PPAT: variants seen among roughly 807,000 people sequenced by gnomAD.
The protein encoded by PPAT is phosphoribosyl pyrophosphate amidotransferase.
A neutral mutation model predicts 60.2 loss-of-function variants in PPAT; 20 were observed. The observed-to-expected ratio is 0.33, with a 90% CI of 0.23 to 0.48. The LOEUF is 0.48. Among genes scored for constraint, PPAT ranks in the 20% least tolerant of loss-of-function variants. The pLI is 0.99. For synonymous variants in PPAT, 194 were observed against 215.1 expected, an observed-to-expected ratio of 0.90 and a Z score of 0.86; for missense variants, 349 against 629.6, an observed-to-expected ratio of 0.55 and a Z score of 4.77.
At chr4:56,429,946 T>C (rs907458452) in intron 1 of PPAT, among the ~76,000 whole-genome samples, 1 of 152,098 alleles carries the variant, frequency 6.6e-6, no homozygotes, top group African/African-American at 2.4e-5. Context: ...TTTATTACTG[T>C]AGAATAGTCC....
intron 1 of PPAT, among the ~76,000 whole-genome samples, chr4:56,409,748 C>G (rs1716361056): frequency 6.6e-6 from 1 of 152,128 alleles, no homozygotes; most frequent in Non-Finnish European, 1.5e-5. Flanking sequence ...GAATATATAT[C>G]AGGATAGAAA....
Position 56,396,889 on chromosome 4 carries a change from T to C in PPAT, c.1237-150A>G. 1 of 712,610 alleles carries C rather than the reference T, an allele frequency of 1.4e-6. No homozygotes were observed. The highest frequency in any genetic ancestry group is 3.1e-5 in the South Asian group (1 of 32,678). The allele number at this position is 712,610 out of a possible 1,614,324, so 44.1% of individuals were successfully genotyped here. A position where few individuals can be genotyped will look rare whatever the true frequency, so the allele number is the denominator to read the frequency against. On this transcript the variant is annotated intron_variant, in intron 9 of 10. Transcript: ENST00000264220. This position sits in a 1 kb window ranked among gnomAD's most constrained non-coding sequence, Gnocchi z 4.6. ...TCTACAAAGCTGCTTCTTGGTTTTT[T>C]TTTTCTTTCACCTAATCATGAGGAA...
chr4:56,434,630 G>C (rs1717798268), intron 1 of PPAT, among the ~76,000 whole-genome samples: 2 of 152,122 alleles, frequency 1.3e-5, no homozygotes, highest in South Asian at 4.2e-4. Flanking sequence ...TTTGAAGAAG[G>C]GAGTTAATTT....
At chr4:56,428,307 C>T (rs751721592) in intron 1 of PPAT, among the ~76,000 whole-genome samples, 7 of 151,824 alleles carry the variant, frequency 4.6e-5, no homozygotes, top group South Asian at 2.1e-4. Context: ...ACACAGAGGC[C>T]GGAAAATACT....
intron 1 of PPAT, among the ~76,000 whole-genome samples, chr4:56,418,359 G>A (rs1716878669): frequency 6.6e-6 from 1 of 151,596 alleles, no homozygotes; most frequent in Non-Finnish European, 1.5e-5. Flanking sequence ...TCACTCTTTT[G>A]CCCAAGCTGG....
intron 1 of PPAT, among the ~76,000 whole-genome samples, chr4:56,418,794 G>C (rs553632771): frequency 6.6e-5 from 10 of 152,108 alleles, no homozygotes; most frequent in African/African-American, 2.4e-4. Context: ...CCAATATAAA[G>C]TCAAGTACTG....
chr4:56,422,197 C>T (rs1284976553), intron 1 of PPAT: 1 of 152,182 alleles, frequency 6.6e-6, no homozygotes, highest in Non-Finnish European at 1.5e-5. Flanking sequence ...TCCTTGGAAC[C>T]TGGGAGGCAG....
intron 1 of PPAT, chr4:56,411,045 A>C: frequency 1.8e-6 from 1 of 550,050 alleles, no homozygotes; most frequent in Non-Finnish European, 2.3e-6. Flanking sequence ...AAAATAACCA[A>C]TTTATTATGC....
At chr4:56,400,473 C>T (rs973292184) in intron 8 of PPAT, 3 of 191,514 alleles carry the variant, frequency 1.6e-5, no homozygotes, top group African/African-American at 7.1e-5. Context: ...AGGGTTGGCA[C>T]CTTTAACTCC....
intron 10 of PPAT, among the ~76,000 whole-genome samples, chr4:56,395,857 T>C (rs1414365207): frequency 2.0e-5 from 3 of 152,152 alleles, no homozygotes; most frequent in Non-Finnish European, 4.4e-5. Context: ...GTCAGGAAGA[T>C]CTAGGCTCAA....
intron 1 of PPAT, among the ~76,000 whole-genome samples, chr4:56,427,752 TC>T (rs1404859780): frequency 2.0e-5 from 3 of 152,054 alleles, no homozygotes; most frequent in Non-Finnish European, 4.4e-5. Flanking sequence ...GAGTATGCCT[TC>T]CCCCTGTCAC....
intron 1 of PPAT, among the ~76,000 whole-genome samples, chr4:56,430,327 T>C (rs928573964): frequency 1.3e-5 from 2 of 152,072 alleles, no homozygotes; most frequent in Non-Finnish European, 2.9e-5. Flanking sequence ...ACATATTTAG[T>C]CCCAATCACA....
chr4:56,432,434 G>A (rs557760845), intron 1 of PPAT, among the ~76,000 whole-genome samples: 15 of 147,882 alleles, frequency 1.0e-4, no homozygotes, highest in Non-Finnish European at 1.9e-4. Flanking sequence ...AGACAGGTAC[G>A]AGAATCACTT....
rs1716157325 is a variant in PPAT at position 56,403,062 on chromosome 4, T to C, written c.639A>G (p.Pro213=). The C allele has an allele frequency of 6.2e-7, 1 of 1,608,928 alleles. No individual in the cohort carries two copies. The highest frequency in any genetic ancestry group is 2.2e-5 in the East Asian group (1 of 44,816). The change falls in exon 5 of 11, where the codon CCA becomes CCG. Residue 213 remains proline, a synonymous_variant. Transcript: ENST00000264220. ...TACCTTTGTCATTTATATCAGACAC[T>C]GGAATAAGACGACCAATGCATAAGG... is the stretch of plus-strand genomic sequence containing the variant. ...NRPLCIGRLI[P]VSDINDKEKK...
At chr4:56,427,785 CCAAA>C (rs746264431) in intron 1 of PPAT, among the ~76,000 whole-genome samples, 1 of 152,088 alleles carries the variant, frequency 6.6e-6, no homozygotes, top group African/African-American at 2.4e-5. Flanking sequence ...CATCATCACC[CCAAA>C]ATAATACTGG....
intron 1 of PPAT, chr4:56,420,006 G>A (rs1163369006): frequency 3.0e-6 from 3 of 985,100 alleles, no homozygotes; most frequent in African/African-American, 3.5e-5. Context: ...TGGAGAACAT[G>A]TCACAGAATG....
intron 1 of PPAT, among the ~76,000 whole-genome samples, chr4:56,432,703 T>C (rs1282921846): frequency 1.3e-5 from 2 of 149,044 alleles, no homozygotes; most frequent in East Asian, 3.9e-4. Flanking sequence ...GAGAATGGCG[T>C]GAACCCGGGA....
chr4:56,397,441 T>G (rs978799415), intron 9 of PPAT, among the ~76,000 whole-genome samples: 9 of 152,192 alleles, frequency 5.9e-5, no homozygotes, highest in African/African-American at 1.9e-4. Context: ...AAAATCATAA[T>G]CCCAATTATC....
intron 8 of PPAT, 180 bp downstream of exon 8, chr4:56,400,604 C>T: frequency 1.6e-6 from 1 of 631,936 alleles, no homozygotes; most frequent in Non-Finnish European, 2.5e-6. Flanking sequence ...GTGGTTTTCA[C>T]TAAAATAGTG....
Sources: allele counts gnomAD v4.1 joint callset (sites outside exome capture counted in the v4.1 genomes callset), GRCh38; gene constraint gnomAD v4.1.1; non-coding constraint Gnocchi (gnomAD v3.1); transcripts MANE v1.5; gene names NCBI Gene and HGNC (gene_info 2026-07-23, HGNC 2026-07-21).